Variants in FRMPD4 observed in about 807,000 individuals in gnomAD.
The protein encoded by FRMPD4 is FERM and PDZ domain-containing protein 4.
Under a neutral mutation model 94.1 loss-of-function variants are expected in FRMPD4, and 22 were observed. That is an observed-to-expected ratio of 0.23 (90% CI 0.17 to 0.33). The LOEUF (loss-of-function observed/expected upper bound fraction) is 0.33, where lower values mean the gene tolerates loss of function less well. Among genes scored for constraint, FRMPD4 ranks in the 10% least tolerant of loss-of-function variants. The probability of loss-of-function intolerance (pLI) is 1.00; values close to 1 mark genes in which losing one functional copy is unlikely to be tolerated. For missense variants in FRMPD4, 1,111 were observed against 1,339.9 expected (o/e 0.83, Z 2.67); for synonymous variants, 631 against 548.6 (o/e 1.15, Z -2.10).
chrX:12,161,529 G>A (rs1297869230), intron 1 of FRMPD4, among the ~76,000 whole-genome samples: 1 of 111,824 alleles, frequency 8.9e-6, no homozygotes, highest in African/African-American at 3.3e-5. Flanking sequence ...AACCCAGTGG[G>A]ATAGGTTCTA....
chrX:12,591,072 A>C (rs2058978417), intron 2 of FRMPD4, among the ~76,000 whole-genome samples: 1 of 111,869 alleles, frequency 8.9e-6, no homozygotes, highest in Non-Finnish European at 1.9e-5. Flanking sequence ...GCCGACCCCC[A>C]AAACAGTCAA....
intron 3 of FRMPD4, among the ~76,000 whole-genome samples, chrX:12,054,216 C>T (rs2054840859): frequency 9.0e-6 from 1 of 110,929 alleles, no homozygotes; most frequent in African/African-American, 3.3e-5. Flanking sequence ...TAAATTCTTT[C>T]AGCTTAAAAT....
chrX:12,358,944 C>T (rs1271532887), intron 1 of FRMPD4, among the ~76,000 whole-genome samples: 1 of 112,041 alleles, frequency 8.9e-6, no homozygotes, highest in South Asian at 3.7e-4. Context: ...CTTCTATAAC[C>T]GCAACAACAG....
chrX:12,176,826 A>G (rs2056301455), intron 1 of FRMPD4, among the ~76,000 whole-genome samples: 1 of 112,254 alleles, frequency 8.9e-6, no homozygotes, highest in Non-Finnish European at 1.9e-5. Context: ...TGGAAAAGGT[A>G]AACCATTAGA....
chrX:12,495,782 G>A (rs955799946), intron 1 of FRMPD4, among the ~76,000 whole-genome samples: 2 of 111,742 alleles, frequency 1.8e-5, no homozygotes, highest in East Asian at 2.8e-4. Context: ...GCAGTGGGTC[G>A]CCACTTTGGC....
intron 1 of FRMPD4, among the ~76,000 whole-genome samples, chrX:12,193,762 G>GAAAGA (rs1328869523): frequency 6.8e-4 from 8 of 11,823 alleles, no homozygotes; most frequent in African/African-American, 3.8e-3. Flanking sequence ...CAGAAAGAAA[G>GAAAGA]AAAGAAAGAA....
intron 1 of FRMPD4, among the ~76,000 whole-genome samples, chrX:12,361,222 T>G (rs770214305): frequency 8.9e-5 from 10 of 112,762 alleles, no homozygotes; most frequent in African/African-American, 3.2e-4. Context: ...TGCACTTTTC[T>G]GAATCTAGCA....
chrX:12,548,369 T>G (rs2058500126), intron 2 of FRMPD4, among the ~76,000 whole-genome samples: 1 of 112,625 alleles, frequency 8.9e-6, no homozygotes, highest in South Asian at 3.6e-4. Flanking sequence ...TACATTGTGC[T>G]TTCACACCCT....
chrX:12,632,375 C>T (rs1218143833), intron 4 of FRMPD4, among the ~76,000 whole-genome samples: 1 of 111,789 alleles, frequency 8.9e-6, no homozygotes, highest in Non-Finnish European at 1.9e-5. Context: ...AATGGAAGGA[C>T]ATTTAACTTC....
Position 12,574,091 on chromosome X carries a change from C to T in FRMPD4, c.159-35630C>T, listed in dbSNP as rs1345201331. 2.7e-5 allele frequency among the ~76,000 whole-genome samples: 3 copies of T among 112,079 alleles called. No individual in the cohort carries two copies. The Admixed American group carries it at 2.8e-4, about 11-fold the overall frequency. On this transcript the variant is annotated intron_variant, in intron 2 of 16. Transcript: ENST00000675598. ...TCTCAGCTCACTGCAACTTCTGCCT[C>T]CCAGCTTCAAGTGATTCTCCTGCCT...
At chrX:12,584,367 C>T (rs1244025104) in intron 2 of FRMPD4, among the ~76,000 whole-genome samples, 1 of 111,886 alleles carries the variant, frequency 8.9e-6, no homozygotes, top group Non-Finnish European at 1.9e-5. Flanking sequence ...CCTCAGCTGT[C>T]CATTATTGAC....
At chrX:12,233,411 T>C (rs777829923) in intron 1 of FRMPD4, among the ~76,000 whole-genome samples, 1 of 112,029 alleles carries the variant, frequency 8.9e-6, no homozygotes, top group South Asian at 3.7e-4. Context: ...GTAGAAGTCC[T>C]ACATTTTATC....
At chrX:11,847,821 A>G (rs5935170) in intron 1 of FRMPD4, among the ~76,000 whole-genome samples, 36,921 of 92,446 alleles carry the variant, frequency 0.4, 7,611 homozygotes, top group African/African-American at 0.62. Context: ...TCATAGGTGG[A>G]AATTGAACAA....
intron 16 of FRMPD4, among the ~76,000 whole-genome samples, chrX:12,719,646 C>A (rs1235838250): frequency 3.6e-5 from 4 of 112,007 alleles, no homozygotes; most frequent in African/African-American, 1.3e-4. Context: ...TTTCTCAAAA[C>A]CCACCACTGG....
intron 3 of FRMPD4, among the ~76,000 whole-genome samples, chrX:11,918,934 G>A (rs781300358): frequency 8.9e-6 from 1 of 112,706 alleles, no homozygotes; most frequent in East Asian, 2.8e-4. Context: ...ACACCTTGGA[G>A]GGTTTCTTCC....
rs193048991 is a variant in FRMPD4 at position 12,529,291 on chromosome X, A to G, written c.158+30495A>G. On this transcript the variant is annotated intron_variant, in intron 2 of 16. Coordinates refer to ENST00000675598, the MANE Select transcript of FRMPD4 (RefSeq NM_001368397.1). The stretch of plus-strand genomic sequence containing the variant: ...TTCTTGCCATGTGGGCCTCCCCAGC[A>G]TAACTGTTTACTTCATCAAAACAAA... Among the ~76,000 whole-genome samples, 315 of 113,101 alleles carry G rather than the reference A, an allele frequency of 2.8e-3. 1 individual carries two copies. Among genetic ancestry groups the G allele is most frequent in the African/African-American group, 8.5e-3 (265 of 31,176 alleles).
chrX:12,720,300 G>A (rs2042214576), intron 16 of FRMPD4, among the ~76,000 whole-genome samples: 1 of 111,732 alleles, frequency 8.9e-6, no homozygotes, highest in Non-Finnish European at 1.9e-5. Flanking sequence ...AATTCCAAAT[G>A]AATCAGCAGT....
At chrX:12,325,380 T>A (rs1253665151) in intron 1 of FRMPD4, among the ~76,000 whole-genome samples, 1 of 112,686 alleles carries the variant, frequency 8.9e-6, no homozygotes, top group East Asian at 2.8e-4. Flanking sequence ...TCACAGAAAA[T>A]GTAATCCAAC....
At chrX:11,974,377 T>C (rs1193639472) in intron 3 of FRMPD4, among the ~76,000 whole-genome samples, 1 of 112,027 alleles carries the variant, frequency 8.9e-6, no homozygotes, top group Non-Finnish European at 1.9e-5. Context: ...TTTTTGCACA[T>C]GTCTGTTTCC....
Sources: allele counts gnomAD v4.1 joint callset (sites outside exome capture counted in the v4.1 genomes callset), GRCh38; gene constraint gnomAD v4.1.1; transcripts MANE v1.5; gene names NCBI Gene and HGNC (gene_info 2026-07-23, HGNC 2026-07-21).